The following POU2F3 variants were observed in gnomAD, a reference collection of about 807,000 sequenced individuals.
POU2F3 encodes the protein POU domain, class 2, transcription factor 3.
POU2F3 carries 23 observed loss-of-function variants against 59.2 expected under a neutral mutation model. The observed-to-expected ratio is 0.39, with a 90% confidence interval of 0.28 to 0.55. The LOEUF (loss-of-function observed/expected upper bound fraction) is 0.55, where lower values mean the gene tolerates loss of function less well. Among genes scored for constraint, POU2F3 ranks in the 20% least tolerant of loss-of-function variants. The pLI is 0.66. For missense variants in POU2F3, 473 were observed against 544.5 expected (o/e 0.87, Z 1.31); for synonymous variants, 190 against 214.6 (o/e 0.89, Z 1.00).
chr11:120,254,414 G>A (rs1348462758), intron 2 of POU2F3, among the ~76,000 whole-genome samples: 2 of 152,188 alleles, frequency 1.3e-5, no homozygotes, highest in African/African-American at 2.4e-5. Context: ...TTGGGTGCTT[G>A]AGGAAGTTTG....
chr11:120,318,191 A>G (rs1229036496), intron 12 of POU2F3, among the ~76,000 whole-genome samples, 162 bp from the exon 13 acceptor site: 3 of 152,324 alleles, frequency 2.0e-5, no homozygotes, highest in South Asian at 4.1e-4. Context: ...AGTGGTTTTT[A>G]GTATATTCAC....
chr11:120,266,277 C>T (rs1412127280), intron 2 of POU2F3, among the ~76,000 whole-genome samples: 1 of 152,128 alleles, frequency 6.6e-6, no homozygotes, highest in African/African-American at 2.4e-5. Flanking sequence ...GCCCTGTCAG[C>T]TGTCCATTTA....
At chr11:120,275,217 G>A (rs959839578) in intron 3 of POU2F3, among the ~76,000 whole-genome samples, 1 of 152,204 alleles carries the variant, frequency 6.6e-6, no homozygotes, top group African/African-American at 2.4e-5. Context: ...GGGGACTTGA[G>A]TGAGTGTGGC....
chr11:120,250,636 G>C (rs1053775081), intron 2 of POU2F3, among the ~76,000 whole-genome samples: 1 of 152,198 alleles, frequency 6.6e-6, no homozygotes, highest in Non-Finnish European at 1.5e-5. Flanking sequence ...GATGGTGGTA[G>C]GAAGACTGGG....
At chr11:120,300,442 TC>T (rs1169233840) in intron 5 of POU2F3, among the ~76,000 whole-genome samples, 1 of 152,032 alleles carries the variant, frequency 6.6e-6, no homozygotes, top group Non-Finnish European at 1.5e-5. Flanking sequence ...CCTGTCCCAC[TC>T]CCATCTCCAT....
At chr11:120,239,597 G>A (rs1004005277), upstream of POU2F3, among the ~76,000 whole-genome samples, 1 of 152,200 alleles carries the variant, frequency 6.6e-6, no homozygotes, top group Non-Finnish European at 1.5e-5. Flanking sequence ...ATCCCACAAT[G>A]CTGTGAGGAT....
intron 3 of POU2F3, among the ~76,000 whole-genome samples, chr11:120,295,391 C>T (rs1319694407): frequency 6.6e-6 from 1 of 152,230 alleles, no homozygotes; most frequent in Non-Finnish European, 1.5e-5. Context: ...GATTTTACCT[C>T]CAGTGCTCCA....
rs377498312 is a variant in POU2F3 at position 120,242,134 on chromosome 11, C to G, written c.28+1763C>G. On this transcript the variant is annotated intron_variant, in intron 1 of 12. Transcript: ENST00000543440. ...CTGCTCCCTCCCCAGCCCATTCCCCCCTCAGGGCTACCTGGCCTCCCTGTG... is the reference window on the plus strand; with the variant it reads ...CTGCTCCCTCCCCAGCCCATTCCCCGCTCAGGGCTACCTGGCCTCCCTGTG... Among the ~76,000 whole-genome samples, 11 of 152,298 alleles carry G rather than the reference C, an allele frequency of 7.2e-5. No individual in the cohort carries two copies. The East Asian group carries it at 1.7e-3, about 24-fold the overall frequency.
intron 11 of POU2F3, among the ~76,000 whole-genome samples, chr11:120,315,811 AGTCCCAGT>A (rs1941769031): frequency 6.6e-6 from 1 of 151,612 alleles, no homozygotes; most frequent in African/African-American, 2.4e-5. Flanking sequence ...TGGCCAGGAC[AGTCCCAGT>A]GTCTGCTTCA....
intron 3 of POU2F3, among the ~76,000 whole-genome samples, chr11:120,271,519 C>T (rs568699147): frequency 1.3e-5 from 2 of 152,216 alleles, no homozygotes; most frequent in East Asian, 1.9e-4. Context: ...CCTCTCCTGG[C>T]CCCAGCCCCT....
intron 3 of POU2F3, among the ~76,000 whole-genome samples, chr11:120,280,801 A>T (rs11217783): frequency 0.32 from 48,093 of 152,116 alleles, 10,977 homozygotes; most frequent in African/African-American, 0.63. Context: ...GCTTGCCAGC[A>T]GAGATGGTAG....
chr11:120,304,979 ATGTT>A (rs1360145242), intron 6 of POU2F3, 47 bp from the exon 7 acceptor site: 55 of 1,076,176 alleles, frequency 5.1e-5, no homozygotes, highest in Non-Finnish European at 6.4e-5. Flanking sequence ...AAATCAGAAA[ATGTT>A]ATTTATTGAT....
intron 3 of POU2F3, among the ~76,000 whole-genome samples, chr11:120,287,310 G>A (rs928757618): frequency 2.6e-5 from 4 of 152,168 alleles, no homozygotes; most frequent in Non-Finnish European, 4.4e-5. Context: ...ACTGTCAAAC[G>A]TATTTATGCA....
chr11:120,273,519 A>G (rs1940168716), intron 3 of POU2F3, among the ~76,000 whole-genome samples: 1 of 152,210 alleles, frequency 6.6e-6, no homozygotes, highest in African/African-American at 2.4e-5. Context: ...TTGAATGCCT[A>G]GCAAAGAAGT....
At chr11:120,312,684 G>A (rs778221350) in intron 10 of POU2F3, among the ~76,000 whole-genome samples, 3 of 152,172 alleles carry the variant, frequency 2.0e-5, no homozygotes, top group Non-Finnish European at 4.4e-5. Context: ...GGCTCCAGTG[G>A]TGAACCGCAC....
At position 120,317,223 on chromosome 11, in the gene POU2F3, C is replaced by T; in HGVS notation, c.1136-6C>T. 1 of 1,614,102 alleles carries T rather than the reference C, an allele frequency of 6.2e-7. No homozygotes were observed. Among genetic ancestry groups the T allele is most frequent in the African/African-American group, 1.3e-5 (1 of 75,022 alleles). On this transcript the variant is annotated splice_region_variant and splice_polypyrimidine_tract_variant and intron_variant, in intron 11 of 12. Coordinates refer to ENST00000543440, the MANE Select transcript of POU2F3 (RefSeq NM_014352.4). ...CCCCCTTGTTTTTGCCTCTCCTTAT[C>T]CTCAGTAACGTCATCCTGTTCCCCT... is the stretch of plus-strand genomic sequence containing the variant.
rs372283467 is a variant in POU2F3 at position 120,305,629 on chromosome 11, G to T, written c.628-15G>T. ...GCTGCCTCTCATGTTCCTCCCCCTC[G>T]GTCCCCACGCTTAGGGAGATGTGGG... On this transcript the variant is annotated splice_polypyrimidine_tract_variant and intron_variant, in intron 7 of 12. Coordinates refer to ENST00000543440, the MANE Select transcript of POU2F3 (RefSeq NM_014352.4). 21 of 1,612,932 alleles carry T rather than the reference G, an allele frequency of 1.3e-5. No homozygotes were observed. In the African/African-American group the frequency reaches 2.8e-4, roughly 22 times the overall value.
At chr11:120,241,694 T>C (rs1338107201) in intron 1 of POU2F3, among the ~76,000 whole-genome samples, 1 of 152,148 alleles carries the variant, frequency 6.6e-6, no homozygotes, top group African/African-American at 2.4e-5. Context: ...GCAAGTCTCT[T>C]CAGAAAGGTG....
intron 8 of POU2F3, 127 bp downstream of exon 8, chr11:120,305,912 C>A: frequency 8.3e-7 from 1 of 1,200,694 alleles, no homozygotes; most frequent in Non-Finnish European, 1.1e-6. Flanking sequence ...AGACTGGAGC[C>A]GATGGAGAAA....
Sources: gnomAD v4.1 joint callset for allele counts (sites outside exome capture counted in the v4.1 genomes callset) on GRCh38, gnomAD v4.1.1 for gene constraint, MANE v1.5 for transcripts, NCBI Gene and HGNC (gene_info 2026-07-23, HGNC 2026-07-21) for gene names.